COL6A3: variants seen among roughly 807,000 people sequenced by gnomAD.
COL6A3 encodes collagen type VI alpha 3 chain.
A neutral mutation model predicts 274.1 loss-of-function variants in COL6A3; 137 were observed. The observed-to-expected ratio is 0.50, with a 90% CI of 0.44 to 0.58. The LOEUF is 0.58. COL6A3 is among the 20% of genes least tolerant of loss of function. The pLI, the probability that COL6A3 is intolerant of heterozygous loss-of-function variation, is 0.00. For synonymous variants in COL6A3, 1,650 were observed against 1,650.6 expected, an observed-to-expected ratio of 1.00 and a Z score of 0.01; for missense variants, 3,950 against 4,124.9, an observed-to-expected ratio of 0.96 and a Z score of 1.16.
chr2:237,370,782 G>A (rs560332471), intron 9 of COL6A3, among the ~76,000 whole-genome samples: 58 of 152,254 alleles, frequency 3.8e-4, no homozygotes, highest in African/African-American at 1.3e-3. Flanking sequence ...ATCAGCCCCC[G>A]CATTGGGGAG....
At position 237,344,939 on chromosome 2, in the gene COL6A3, A is replaced by G; in HGVS notation, c.7174+2T>C. 6.2e-7 allele frequency: 1 copy of G among 1,614,142 alleles called. No individual in the cohort carries two copies. Among genetic ancestry groups the G allele is most frequent in the Middle Eastern group, 1.6e-4 (1 of 6,062 alleles). ...AGGAGAAAGTCACCAAAATCAACTT[A>G]CCGTAACAGCAAGCTAGAAAAGAAG... On this transcript the variant is annotated splice_donor_variant, in intron 35 of 43. Coordinates refer to ENST00000295550, the MANE Select transcript of COL6A3 (RefSeq NM_004369.4). LOFTEE classifies it high-confidence loss of function. This position sits in a 1 kb window ranked among gnomAD's most constrained non-coding sequence, Gnocchi z 4.8.
chr2:237,366,117 C>G (rs1334909956), intron 11 of COL6A3, 82 bp from the exon 12 acceptor site: 4 of 1,255,482 alleles, frequency 3.2e-6, no homozygotes, highest in Non-Finnish European at 4.7e-6. Context: ...TAGGGACAAC[C>G]CAGGCAGAGG....
intron 26 of COL6A3, 99 bp from the exon 27 acceptor site, chr2:237,351,291 G>A (rs573925686): frequency 1.7e-5 from 20 of 1,153,502 alleles, no homozygotes; most frequent in East Asian, 7.1e-5. Context: ...GTCAGAGCCC[G>A]CCAGGGGCAT....
At chr2:237,363,019 G>A (rs912531536) in intron 14 of COL6A3, among the ~76,000 whole-genome samples, 1 of 152,074 alleles carries the variant, frequency 6.6e-6, no homozygotes, top group Non-Finnish European at 1.5e-5. Flanking sequence ...ACCTCAGCGC[G>A]CCCAGGATCC....
At position 237,409,241 on chromosome 2, in the gene COL6A3, G is replaced by A. The variant is rs533115355; in HGVS notation, c.-31+4712C>T. On this transcript the variant is annotated intron_variant, in intron 1 of 43. Coordinates refer to ENST00000295550, the MANE Select transcript of COL6A3 (RefSeq NM_004369.4). ...TATGTTTGCCAACCAGAAGAGAGGG[G>A]GCTATGTCTTAGTCATTTTTTTAAT... Among the ~76,000 whole-genome samples the A allele has an allele frequency of 2.6e-5, 4 of 152,052 alleles. No homozygotes were observed. The East Asian group carries it at 7.7e-4, about 29-fold the overall frequency.
At chr2:237,370,336 T>C (rs1404168607) in intron 9 of COL6A3, among the ~76,000 whole-genome samples, 1 of 151,918 alleles carries the variant, frequency 6.6e-6, no homozygotes, top group East Asian at 1.9e-4. Flanking sequence ...CCTCCCAGGT[T>C]CAAGTGATTC....
intron 17 of COL6A3, 81 bp downstream of exon 17, chr2:237,360,007 C>T (rs2077399086): frequency 1.4e-6 from 2 of 1,433,280 alleles, no homozygotes; most frequent in Admixed American, 3.4e-5. Context: ...GGACCAGCGC[C>T]TCCCTCCCTG....
rs2077426398 is a variant in COL6A3, at chr2:237,361,118, T to C, written c.6210+3A>G. On this transcript the variant is annotated splice_donor_region_variant and intron_variant, in intron 16 of 43. Transcript: ENST00000295550. The surrounding 1 kb of genome is among the most constrained non-coding windows in gnomAD (Gnocchi z 5.1). ...TTTAGGGACTAAAACAATTTTTACT[T>C]ACGGGTCCACCCTCATCACCAGGAT... 6.2e-7 allele frequency: 1 copy of C among 1,613,940 alleles called. No individual in the cohort carries two copies. The highest frequency in any genetic ancestry group is 2.2e-5 in the East Asian group (1 of 44,876).
Position 237,381,158 on chromosome 2 carries a change from G to T in COL6A3, c.1654C>A (p.Leu552Ile). ...GYRAAEGIPKLLVLITGGKSL... is the reference protein window; with the variant it reads ...GYRAAEGIPKILVLITGGKSL... ...TTACCACCTGTGATCAGCACCAAAA[G>T]CTTAGGAATCCCCTCGGCAGCCCGG... is the stretch of plus-strand genomic sequence containing the variant. The change falls in exon 5 of 44, where the codon CTT becomes ATT. Residue 552 changes from leucine to isoleucine, a missense_variant. Leu to Ile is a conservative substitution (Grantham distance 5). This residue lies in a region of COL6A3 where 1,934 missense variants were observed against 1,984.3 expected (regional missense o/e 0.97). Coordinates refer to ENST00000295550, the MANE Select transcript of COL6A3 (RefSeq NM_004369.4). 8 of 1,614,260 alleles carry T rather than the reference G, an allele frequency of 5.0e-6. No homozygotes were observed. The highest frequency in any genetic ancestry group is 6.8e-6 in the Non-Finnish European group (8 of 1,180,048).
chr2:237,409,851 C>T (rs80177963), intron 1 of COL6A3, among the ~76,000 whole-genome samples: 1,919 of 152,224 alleles, frequency 0.013, 27 homozygotes, highest in Non-Finnish European at 0.016. Context: ...CTCAAGCACC[C>T]GACTGTTCAT....
chr2:237,354,803 C>A (rs924866313), intron 24 of COL6A3, 96 bp downstream of exon 24: 7 of 1,048,328 alleles, frequency 6.7e-6, no homozygotes, highest in Middle Eastern at 4.7e-4. Flanking sequence ...GTCTCCGAAG[C>A]TTTGGGTTCA....
intron 39 of COL6A3, among the ~76,000 whole-genome samples, chr2:237,338,476 T>C (rs1199673785): frequency 6.6e-6 from 1 of 152,128 alleles, no homozygotes; most frequent in Non-Finnish European, 1.5e-5. Context: ...AAATAAGTGG[T>C]TGTTGGCCAG....
intron 42 of COL6A3, chr2:237,329,672 T>C (rs1161586950): frequency 1.3e-5 from 2 of 152,232 alleles, no homozygotes; most frequent in African/African-American, 4.8e-5. Context: ...ATGATATATA[T>C]TCACATGGAA....
intron 6 of COL6A3, 151 bp from the exon 7 acceptor site, chr2:237,377,495 C>A: frequency 2.7e-6 from 2 of 744,856 alleles, no homozygotes; most frequent in Admixed American, 2.2e-5. Context: ...CAAATTCATA[C>A]CACTTGTCTT....
At chr2:237,348,798 G>C (rs1459062232) in intron 28 of COL6A3, 135 bp from the exon 29 acceptor site, 2 of 766,552 alleles carry the variant, frequency 2.6e-6, no homozygotes, top group Admixed American at 4.0e-5. Context: ...TACAGGAGTA[G>C]GCACACTTCC....
chr2:237,362,664 A>G (rs1274953666), intron 14 of COL6A3, among the ~76,000 whole-genome samples: 1 of 152,124 alleles, frequency 6.6e-6, no homozygotes, highest in Non-Finnish European at 1.5e-5. Context: ...GCTACCATCA[A>G]AGAATCTCTG....
intron 42 of COL6A3, 61 bp downstream of exon 42, chr2:237,333,389 T>A: frequency 1.3e-6 from 2 of 1,496,212 alleles, no homozygotes; most frequent in Non-Finnish European, 1.9e-6. Context: ...GGAAGTTAAA[T>A]TGGAATCAAG....
In COL6A3 at chr2:237,395,126, A is replaced by G. The variant is rs759937318; in HGVS notation, c.170T>C (p.Leu57Pro). The G allele has an allele frequency of 1.2e-6, 2 of 1,614,092 alleles. No homozygotes were observed. The highest frequency in any genetic ancestry group is 1.7e-6 in the Non-Finnish European group (2 of 1,180,016). Residue 57 changes from leucine (L) to proline (P), a missense_variant, in exon 3 of 44, where the codon CTT (leucine) becomes CCT (proline). Transcript: ENST00000295550. ...SWTIGEEHFQ[L>P]VREFLYDVVK... is the part of the protein sequence containing the mutation. The stretch of plus-strand genomic sequence containing the variant: ...AACATCATATAGAAACTCTCGAACA[A>G]GTTGGAAATGTTCCTCTCCAATGGT...
chr2:237,377,336 G>A lies in COL6A3; in HGVS notation c.2506C>T (p.Arg836Ter), dbSNP rs761796175. Residue 836 changes from arginine (R) to a stop codon, truncating the protein, a stop_gained, in exon 7 of 44, where the codon CGA (arginine) becomes TGA (stop). Coordinates refer to ENST00000295550, the MANE Select transcript of COL6A3 (RefSeq NM_004369.4). LOFTEE classifies it high-confidence loss of function. ...CCGTCAAAGAGGAACAGAATGTCTC[G>A]CTTGCTCTCTGCAATGAAGGTAGAT... ...EVPLAQPESK[R>*]DILFLFDGSA... The A allele has an allele frequency of 5.0e-6, 8 of 1,600,012 alleles. No homozygotes were observed. Among genetic ancestry groups the A allele is most frequent in the Non-Finnish European group, 5.9e-6 (7 of 1,179,932 alleles).
Sources: allele counts gnomAD v4.1 joint callset (sites outside exome capture counted in the v4.1 genomes callset), GRCh38; gene constraint gnomAD v4.1.1; regional missense constraint gnomAD v4.1.1; non-coding constraint Gnocchi (gnomAD v3.1); transcripts MANE v1.5; gene names NCBI Gene and HGNC (gene_info 2026-07-23, HGNC 2026-07-21).